The following NRXN1 variants were observed in gnomAD, a reference collection of about 807,000 sequenced individuals.
NRXN1 encodes neurexin 1, also known as neurexin-1.
NRXN1 carries 39 observed loss-of-function variants against 150.9 expected under a neutral mutation model. That is an observed-to-expected ratio of 0.26 (90% CI 0.20 to 0.34). The LOEUF (loss-of-function observed/expected upper bound fraction) is 0.34. Among genes scored for constraint, NRXN1 ranks in the 10% least tolerant of loss-of-function variants. The probability of loss-of-function intolerance (pLI) is 1.00; values close to 1 mark genes in which losing one functional copy is unlikely to be tolerated. For synonymous variants in NRXN1, 924 were observed against 757.0 expected (o/e 1.22, Z -3.62); for missense variants, 1,815 against 1,949.9 (o/e 0.93, Z 1.30).
rs186367835 is a variant in NRXN1, at chr2:50,628,236, T to G, written c.833-4621A>C. On this transcript the variant is annotated intron_variant, in intron 5 of 22. Coordinates refer to ENST00000401669, the MANE Select transcript of NRXN1 (RefSeq NM_001330078.2). ...GTTTGCAATTCACTATGTAATAAACTTTGAAGTTATATGGGTGTTGATGTA... is the reference window on the plus strand; with the variant it reads ...GTTTGCAATTCACTATGTAATAAACGTTGAAGTTATATGGGTGTTGATGTA... 1.6e-3 allele frequency among the ~76,000 whole-genome samples: 250 copies of G among 151,954 alleles called. 2 individuals are homozygous for G. Among genetic ancestry groups the G allele is most frequent in the African/African-American group, 5.9e-3 (247 of 41,548 alleles).
At chr2:50,076,677 T>C (rs927254552) in intron 19 of NRXN1, among the ~76,000 whole-genome samples, 1 of 152,220 alleles carries the variant, frequency 6.6e-6, no homozygotes, top group Non-Finnish European at 1.5e-5. Context: ...TCTGGTTTGA[T>C]CATTTGATGT....
intron 5 of NRXN1, among the ~76,000 whole-genome samples, chr2:50,800,262 C>T (rs1198835008): frequency 6.6e-6 from 1 of 152,118 alleles, no homozygotes; most frequent in Non-Finnish European, 1.5e-5. Context: ...CCAGTTTTCT[C>T]CTTTAACTAA....
intron 2 of NRXN1, among the ~76,000 whole-genome samples, chr2:51,002,807 G>C (rs1162168468): frequency 2.6e-5 from 4 of 151,914 alleles, no homozygotes; most frequent in Non-Finnish European, 5.9e-5. Flanking sequence ...GAAACTAATA[G>C]GGTGACTTTT....
intron 15 of NRXN1, among the ~76,000 whole-genome samples, chr2:50,477,924 A>G (rs1331677417): frequency 6.6e-6 from 1 of 152,136 alleles, no homozygotes; most frequent in African/African-American, 2.4e-5. Flanking sequence ...CCTAATTCTT[A>G]TTGTGATTGG....
intron 18 of NRXN1, among the ~76,000 whole-genome samples, chr2:50,187,184 A>G (rs1291270257): frequency 1.3e-5 from 2 of 152,110 alleles, no homozygotes; most frequent in Non-Finnish European, 2.9e-5. Context: ...AATGAGACTC[A>G]ACCAAATTAT....
chr2:50,559,750 G>A (rs1171998082), intron 8 of NRXN1, among the ~76,000 whole-genome samples: 2 of 151,982 alleles, frequency 1.3e-5, no homozygotes, highest in East Asian at 3.9e-4. Context: ...ATATAGATAA[G>A]TAGATAATAC....
chr2:50,388,992 C>A (rs955821809), intron 17 of NRXN1, among the ~76,000 whole-genome samples: 11 of 151,836 alleles, frequency 7.2e-5, no homozygotes, highest in Admixed American at 5.3e-4. Context: ...CGTGGTGAAA[C>A]CTGAAGTCTA....
At chr2:50,724,578 C>T (rs1006168109) in intron 5 of NRXN1, among the ~76,000 whole-genome samples, 29 of 151,990 alleles carry the variant, frequency 1.9e-4, no homozygotes, top group African/African-American at 4.6e-4. Flanking sequence ...ATATTAATCA[C>T]GTTGTATGGC....
chr2:50,453,857 T>C (rs373830918), intron 17 of NRXN1, among the ~76,000 whole-genome samples: 1 of 152,246 alleles, frequency 6.6e-6, no homozygotes, highest in East Asian at 1.9e-4. Context: ...GCTGGAAAAA[T>C]ACTTCAAGAG....
At chr2:50,742,699 A>G (rs778414692) in intron 5 of NRXN1, among the ~76,000 whole-genome samples, 5 of 152,136 alleles carry the variant, frequency 3.3e-5, no homozygotes, top group Non-Finnish European at 7.4e-5. Flanking sequence ...AATTCATGAA[A>G]TAAGCATCAT....
chr2:50,545,218 C>T (rs2093468543), intron 9 of NRXN1, among the ~76,000 whole-genome samples: 1 of 152,134 alleles, frequency 6.6e-6, no homozygotes, highest in South Asian at 2.1e-4. Flanking sequence ...ATATTAAATA[C>T]ATCATGCATT....
intron 18 of NRXN1, among the ~76,000 whole-genome samples, chr2:50,140,717 T>C (rs1366865561): frequency 6.6e-6 from 1 of 151,966 alleles, no homozygotes; most frequent in Non-Finnish European, 1.5e-5. Context: ...TGAAACATTC[T>C]GATTTTCAAA....
chr2:50,989,641 C>T (rs1048055631), intron 2 of NRXN1, among the ~76,000 whole-genome samples: 6 of 151,936 alleles, frequency 3.9e-5, no homozygotes, highest in African/African-American at 1.2e-4. Context: ...TTTTGTTCTT[C>T]TTACTGTTGA....
At chr2:50,218,926 T>C (rs775788341) in intron 18 of NRXN1, among the ~76,000 whole-genome samples, 3 of 152,040 alleles carry the variant, frequency 2.0e-5, no homozygotes, top group African/African-American at 4.8e-5. Context: ...ATTGTTTAAA[T>C]AGTTTTCAAG....
At position 50,998,241 on chromosome 2, in the gene NRXN1, T is replaced by TA. The variant is rs1208277720; in HGVS notation, c.772+29260dup. On this transcript the variant is annotated intron_variant, in intron 2 of 22. Coordinates refer to ENST00000401669, the MANE Select transcript of NRXN1 (RefSeq NM_001330078.2). ...TTTATCAGAGACAATACTGATATGT[T>TA]AAAAAAATTACTCACAAAACACATG... 1.4e-4 allele frequency among the ~76,000 whole-genome samples: 20 copies of TA among 141,750 alleles called. 1 individual carries two copies. The highest frequency in any genetic ancestry group is 2.7e-4 in the Admixed American group (4 of 14,682). The allele number at this position is 141,750 out of a possible 152,430, so 93.0% of individuals were successfully genotyped here.
chr2:50,868,592 CAG>C (rs1178612013), intron 5 of NRXN1, among the ~76,000 whole-genome samples: 1 of 151,620 alleles, frequency 6.6e-6, no homozygotes, highest in Non-Finnish European at 1.5e-5. Flanking sequence ...ATTACAGAAA[CAG>C]AGTTACAGAA....
At chr2:50,969,190 A>C (rs189021701) in intron 2 of NRXN1, among the ~76,000 whole-genome samples, 109 of 152,206 alleles carry the variant, frequency 7.2e-4, no homozygotes, top group African/African-American at 2.5e-3. Flanking sequence ...CATGCTCTTT[A>C]TACTGTTTTT....
At chr2:50,849,377 C>G (rs934448084) in intron 5 of NRXN1, among the ~76,000 whole-genome samples, 1 of 152,162 alleles carries the variant, frequency 6.6e-6, no homozygotes, top group Non-Finnish European at 1.5e-5. Flanking sequence ...CCAGGAATGT[C>G]TTTCTCAAGG....
At chr2:50,146,053 G>A (rs1224158465) in intron 18 of NRXN1, among the ~76,000 whole-genome samples, 5 of 151,546 alleles carry the variant, frequency 3.3e-5, no homozygotes, top group East Asian at 1.9e-4. Flanking sequence ...AGACACTATC[G>A]GCTAAATTGA....
Sources: gnomAD v4.1 joint callset for allele counts (sites outside exome capture counted in the v4.1 genomes callset) on GRCh38, gnomAD v4.1.1 for gene constraint, MANE v1.5 for transcripts, NCBI Gene and HGNC (gene_info 2026-07-23, HGNC 2026-07-21) for gene names.